Variants in PARN observed in about 807,000 individuals in gnomAD.
PARN encodes the protein poly(A)-specific ribonuclease PARN.
In PARN, 71 loss-of-function variants were observed where a neutral mutation model predicts 102.8. The ratio of observed to expected loss-of-function variants is 0.69; its 90% confidence interval spans 0.57 to 0.84. The LOEUF (loss-of-function observed/expected upper bound fraction) is 0.84, where lower values mean the gene tolerates loss of function less well. PARN is among the 40% of genes least tolerant of loss of function. The pLI, the probability that PARN is intolerant of heterozygous loss-of-function variation, is 0.00. For missense variants in PARN, 782 were observed against 760.9 expected, an observed-to-expected ratio of 1.03 and a Z score of -0.33; for synonymous variants, 261 against 252.9, an observed-to-expected ratio of 1.03 and a Z score of -0.30.
chr16:14,556,261 C>A (rs899181017), intron 18 of PARN, among the ~76,000 whole-genome samples: 1 of 151,976 alleles, frequency 6.6e-6, no homozygotes, highest in Non-Finnish European at 1.5e-5. Context: ...CAGGTTCCAG[C>A]GATTCACCCG....
At chr16:14,494,489 G>T (rs915540337) in intron 21 of PARN, among the ~76,000 whole-genome samples, 1 of 152,206 alleles carries the variant, frequency 6.6e-6, no homozygotes, top group African/African-American at 2.4e-5. Flanking sequence ...AGGGTTGGGA[G>T]AGCAGGTAGT....
intron 22 of PARN, among the ~76,000 whole-genome samples, chr16:14,457,423 G>A (rs1567290622): frequency 6.6e-6 from 1 of 152,146 alleles, no homozygotes; most frequent in Non-Finnish European, 1.5e-5. Context: ...GAGAGGGGAG[G>A]ATGTTGGACA....
chr16:14,561,093 G>A (rs1968027900), intron 18 of PARN, among the ~76,000 whole-genome samples: 2 of 150,764 alleles, frequency 1.3e-5, no homozygotes, highest in African/African-American at 4.9e-5. Context: ...GGAGGCGAAG[G>A]CTGCAGTGAG....
rs59687658 is a variant in PARN, at chr16:14,599,898, A to G, written c.840+6T>C. 2,279 of 1,586,058 alleles carry G rather than the reference A, an allele frequency of 1.4e-3. 28 individuals carry two copies. The East Asian group carries it at 0.022, about 15-fold the overall frequency. ...GCAATCTTGCTAAAAAGTCTGGCTC[A>G]CTTACCGAATTAGCAATGGCGTGAA... is the stretch of plus-strand genomic sequence containing the variant. On this transcript the variant is annotated splice_donor_region_variant and intron_variant, in intron 12 of 23. Coordinates refer to ENST00000437198, the MANE Select transcript of PARN (RefSeq NM_002582.4).
intron 22 of PARN, among the ~76,000 whole-genome samples, chr16:14,477,076 T>C (rs963362565): frequency 1.3e-5 from 2 of 152,174 alleles, no homozygotes; most frequent in Non-Finnish European, 2.9e-5. Flanking sequence ...ATAAGAAACA[T>C]ACTTTCATTG....
intron 23 of PARN, among the ~76,000 whole-genome samples, chr16:14,437,915 G>A (rs1040696642): frequency 7.2e-5 from 11 of 152,152 alleles, no homozygotes; most frequent in African/African-American, 2.7e-4. Context: ...AACATGAAGA[G>A]AATTTCAGCT....
In PARN at chr16:14,586,323, G is replaced by A; in HGVS notation, c.957C>T (p.Phe319=). The change falls in exon 14 of 24, where the codon TTC becomes TTT. Residue 319 remains phenylalanine (F), a synonymous_variant. Coordinates refer to ENST00000437198, the MANE Select transcript of PARN (RefSeq NM_002582.4). ...SEFKEMTTCV[F]PRLLDTKLMA... Reference sequence around the variant, plus strand: ...AATCCTCAAAGAAAGCTTACCTGGGGAAAACACATGTTGTCATCTCTTTAA... The same window carrying A: ...AATCCTCAAAGAAAGCTTACCTGGGAAAAACACATGTTGTCATCTCTTTAA... 1 of 1,548,232 alleles carries A rather than the reference G, an allele frequency of 6.5e-7. No homozygotes were observed. Among genetic ancestry groups the A allele is most frequent in the Non-Finnish European group, 8.8e-7 (1 of 1,139,992 alleles).
chr16:14,559,386 CAGCTA>C (rs1967910450), intron 18 of PARN, among the ~76,000 whole-genome samples: 1 of 151,260 alleles, frequency 6.6e-6, no homozygotes, highest in African/African-American at 2.4e-5. Flanking sequence ...AATTTATTCT[CAGCTA>C]AAACACTCAA....
intron 21 of PARN, among the ~76,000 whole-genome samples, chr16:14,542,690 T>C (rs1966849055): frequency 6.6e-6 from 1 of 151,720 alleles, no homozygotes; most frequent in Non-Finnish European, 1.5e-5. Context: ...ATATATGCAA[T>C]AAAAATTCAC....
chr16:14,529,194 G>A (rs1966178231), intron 21 of PARN, among the ~76,000 whole-genome samples: 1 of 152,162 alleles, frequency 6.6e-6, no homozygotes, highest in South Asian at 2.1e-4. Flanking sequence ...TACAGGAGAG[G>A]TACGCTGTCG....
chr16:14,568,276 G>A (rs1247934648), intron 18 of PARN, among the ~76,000 whole-genome samples: 6 of 148,044 alleles, frequency 4.1e-5, no homozygotes, highest in Admixed American at 1.4e-4. Context: ...GCAGTGGCAC[G>A]ATCTCGGCTC....
In PARN at chr16:14,447,084, G is replaced by A; in HGVS notation, c.1671-3C>T. On this transcript the variant is annotated splice_polypyrimidine_tract_variant and splice_region_variant and intron_variant, in intron 22 of 23. Transcript: ENST00000437198. ...CTACTGTGCTGGGAGCTGTAAAACTGAAATGCAAAAAGTGGAACAACATAA... is the reference window on the plus strand; with the variant it reads ...CTACTGTGCTGGGAGCTGTAAAACTAAAATGCAAAAAGTGGAACAACATAA... 6.2e-7 allele frequency: 1 copy of A among 1,603,600 alleles called. No homozygotes were observed. The highest frequency in any genetic ancestry group is 8.5e-7 in the Non-Finnish European group (1 of 1,175,556).
At chr16:14,443,898 C>T (rs961518318) in intron 23 of PARN, among the ~76,000 whole-genome samples, 1 of 152,120 alleles carries the variant, frequency 6.6e-6, no homozygotes, top group Non-Finnish European at 1.5e-5. Flanking sequence ...GCCTCAGCAC[C>T]GTTTTGGGTT....
At chr16:14,515,542 G>A (rs1965416031) in intron 21 of PARN, among the ~76,000 whole-genome samples, 1 of 151,938 alleles carries the variant, frequency 6.6e-6, no homozygotes, top group African/African-American at 2.4e-5. Flanking sequence ...TTCTCCCTAC[G>A]GCCAATGAAT....
intron 21 of PARN, among the ~76,000 whole-genome samples, chr16:14,531,844 A>AT (rs1334277146): frequency 2.0e-5 from 3 of 151,178 alleles, no homozygotes; most frequent in Non-Finnish European, 4.4e-5. Flanking sequence ...TAGATGTAAT[A>AT]TTTTATTTTA....
rs573095582 is a variant in PARN, at chr16:14,546,268, G to A, written c.1480+5753C>T. On this transcript the variant is annotated intron_variant, in intron 21 of 23. Coordinates refer to ENST00000437198, the MANE Select transcript of PARN (RefSeq NM_002582.4). The stretch of plus-strand genomic sequence containing the variant: ...TACAATTCTAATATTTATCTGTTCA[G>A]CATAATCAAAAGCTGTGCTTTTTAA... 1.7e-4 allele frequency among the ~76,000 whole-genome samples: 26 copies of A among 152,270 alleles called. 1 individual carries two copies. The South Asian group carries it at 5.4e-3, about 32-fold the overall frequency.
At chr16:14,515,601 T>C (rs976682019) in intron 21 of PARN, among the ~76,000 whole-genome samples, 9 of 152,110 alleles carry the variant, frequency 5.9e-5, no homozygotes, top group African/African-American at 1.9e-4. Flanking sequence ...CTGTACCTAA[T>C]ATTTTGAAAT....
rs752681645 is a variant in PARN, at chr16:14,630,179, G to T, written c.-54C>A. 1.6e-5 allele frequency: 24 copies of T among 1,504,474 alleles called. No homozygotes were observed. The highest frequency in any genetic ancestry group is 2.0e-5 in the Non-Finnish European group (22 of 1,109,540). The allele number at this position is 1,504,474 out of a possible 1,614,324, so 93.2% of individuals were successfully genotyped here. On this transcript the variant is annotated 5_prime_UTR_variant, in exon 1 of 24. Transcript: ENST00000437198. ...ACCCGGGCCCGCGCCCGCCTCAGCGGTTCTACTCGCCGAATTCCGCGGCGA... is the reference window on the plus strand; with the variant it reads ...ACCCGGGCCCGCGCCCGCCTCAGCGTTTCTACTCGCCGAATTCCGCGGCGA...
chr16:14,472,274 A>C (rs1171401071), intron 22 of PARN, among the ~76,000 whole-genome samples: 6 of 152,188 alleles, frequency 3.9e-5, no homozygotes, highest in Admixed American at 1.3e-4. Context: ...AAAATTCTGC[A>C]TTTTACATTA....
Sources: allele counts gnomAD v4.1 joint callset (sites outside exome capture counted in the v4.1 genomes callset), GRCh38; gene constraint gnomAD v4.1.1; transcripts MANE v1.5; gene names NCBI Gene and HGNC (gene_info 2026-07-23, HGNC 2026-07-21).